COL14A1: variants seen among roughly 807,000 people sequenced by gnomAD.
COL14A1 encodes the protein collagen type XIV alpha 1 chain.
COL14A1 carries 136 observed loss-of-function variants against 230.3 expected under a neutral mutation model. The ratio of observed to expected loss-of-function variants is 0.59; its 90% CI spans 0.51 to 0.68. The LOEUF is 0.68. Ranked by LOEUF, COL14A1 falls within the 30% of genes least tolerant of loss-of-function variation. The probability of loss-of-function intolerance (pLI) is 0.00; values close to 1 mark genes in which losing one functional copy is unlikely to be tolerated. For synonymous variants in COL14A1, 792 were observed against 784.1 expected, an observed-to-expected ratio of 1.01 and a Z score of -0.17; for missense variants, 1,976 against 2,215.8, an observed-to-expected ratio of 0.89 and a Z score of 2.17.
At position 120,168,217 on chromosome 8, in the gene COL14A1, G is replaced by A. The variant is rs1815976565; in HGVS notation, c.406G>A (p.Gly136Arg). 6.2e-7 allele frequency: 1 copy of A among 1,612,348 alleles called. No individual in the cohort carries two copies. Among genetic ancestry groups the A allele is most frequent in the Non-Finnish European group, 8.5e-7 (1 of 1,179,002 alleles). The change falls in exon 5 of 48, where the codon GGA (glycine) becomes AGA (arginine). Residue 136 changes from glycine to arginine, a missense_variant. Physicochemically the swap from Gly to Arg is moderately radical, Grantham distance 125. Coordinates refer to ENST00000297848, the MANE Select transcript of COL14A1 (RefSeq NM_021110.4). ...PKPRVKVVDR[G>R]NGSRPSSPEE... is the part of the protein sequence containing the mutation. ...GCCCAGAGTCAAAGTTGTGGACAGAGGAAATGGGAGTAGACCATCTTCACC... is the reference window on the plus strand; with the variant it reads ...GCCCAGAGTCAAAGTTGTGGACAGAAGAAATGGGAGTAGACCATCTTCACC...
At chr8:120,368,970 C>T (rs1013951002) in intron 46 of COL14A1, among the ~76,000 whole-genome samples, 7 of 152,148 alleles carry the variant, frequency 4.6e-5, no homozygotes, top group South Asian at 4.1e-4. Flanking sequence ...TGTGTGTGCA[C>T]GCCCATAGAT....
chr8:120,259,285 A>G (rs764205907), intron 23 of COL14A1, among the ~76,000 whole-genome samples: 6 of 152,168 alleles, frequency 3.9e-5, no homozygotes, highest in Non-Finnish European at 7.3e-5. Flanking sequence ...CTTGTAGGAC[A>G]TTTTGATAAG....
chr8:120,281,149 TC>T, intron 31 of COL14A1, 90 bp downstream of exon 31: 1 of 1,188,644 alleles, frequency 8.4e-7, no homozygotes, highest in African/African-American at 1.5e-5. Context: ...GGTGTAATAG[TC>T]CCAGGTAGGA....
chr8:120,337,600 A>G (rs1051208356), intron 42 of COL14A1, among the ~76,000 whole-genome samples: 1 of 152,142 alleles, frequency 6.6e-6, no homozygotes, highest in African/African-American at 2.4e-5. Flanking sequence ...TTGAACCACA[A>G]GATCATTCCT....
chr8:120,189,473 T>A (rs537736541), intron 5 of COL14A1, among the ~76,000 whole-genome samples: 46 of 151,676 alleles, frequency 3.0e-4, no homozygotes, highest in African/African-American at 7.5e-4. Flanking sequence ...ATTAAAATTT[T>A]TTTATTTATT....
At chr8:120,145,388 G>A (rs1815053219) in intron 1 of COL14A1, among the ~76,000 whole-genome samples, 1 of 152,222 alleles carries the variant, frequency 6.6e-6, no homozygotes, top group Non-Finnish European at 1.5e-5. Flanking sequence ...GGAGGCCAAG[G>A]CGGGTGGATC....
chr8:120,137,538 A>C (rs961076955), intron 1 of COL14A1, among the ~76,000 whole-genome samples: 9 of 152,064 alleles, frequency 5.9e-5, no homozygotes, highest in African/African-American at 1.9e-4. Context: ...TCTTTAGGTA[A>C]AAAATTAGAG....
intron 40 of COL14A1, 96 bp from the exon 41 acceptor site, chr8:120,332,045 G>A: frequency 9.7e-7 from 1 of 1,028,790 alleles, no homozygotes; most frequent in Non-Finnish European, 1.5e-6. Flanking sequence ...CAAGCAGCAG[G>A]ACTTGACCCC....
At chr8:120,250,116 G>A (rs1818891970) in intron 21 of COL14A1, among the ~76,000 whole-genome samples, 1 of 152,178 alleles carries the variant, frequency 6.6e-6, no homozygotes. Flanking sequence ...AGCATAATCT[G>A]TCTGGTATTA....
At chr8:120,273,513 T>G (rs1315804173) in intron 26 of COL14A1, among the ~76,000 whole-genome samples, 1 of 151,738 alleles carries the variant, frequency 6.6e-6, no homozygotes, top group Non-Finnish European at 1.5e-5. Flanking sequence ...ATTGGTTCTT[T>G]GAAAAGATAA....
At position 120,225,087 on chromosome 8, in the gene COL14A1, G is replaced by T; in HGVS notation, c.1738-1G>T. ...GTTATTATGACTTATTTCTTTGACA[G>T]GTTGAAGTCGATCCTATTACTACCT... On this transcript the variant is annotated splice_acceptor_variant, in intron 14 of 47. Coordinates refer to ENST00000297848, the MANE Select transcript of COL14A1 (RefSeq NM_021110.4). LOFTEE classifies it high-confidence loss of function. 6.2e-7 allele frequency: 1 copy of T among 1,609,454 alleles called. No individual in the cohort carries two copies. Among genetic ancestry groups the T allele is most frequent in the East Asian group, 2.2e-5 (1 of 44,696 alleles).
At chr8:120,336,676 T>C (rs1156567232) in intron 42 of COL14A1, among the ~76,000 whole-genome samples, 1 of 152,200 alleles carries the variant, frequency 6.6e-6, no homozygotes, top group Non-Finnish European at 1.5e-5. Context: ...CTCGTGGCCC[T>C]TTAGGATGGG....
intron 1 of COL14A1, among the ~76,000 whole-genome samples, chr8:120,138,069 T>A (rs1177918688): frequency 1.3e-5 from 2 of 152,222 alleles, no homozygotes; most frequent in African/African-American, 4.8e-5. Flanking sequence ...AGTTGTTGGA[T>A]GTAATGCTCA....
chr8:120,139,262 A>G (rs1814816425), intron 1 of COL14A1, among the ~76,000 whole-genome samples: 1 of 152,218 alleles, frequency 6.6e-6, no homozygotes, highest in East Asian at 1.9e-4. Context: ...ATGCTTAAAT[A>G]TCACCATTTC....
chr8:120,155,518 A>C (rs939445757), intron 2 of COL14A1, among the ~76,000 whole-genome samples: 1 of 152,108 alleles, frequency 6.6e-6, no homozygotes, highest in Non-Finnish European at 1.5e-5. Flanking sequence ...AGGAATCCTG[A>C]ATGTTGTTTG....
intron 36 of COL14A1, 149 bp downstream of exon 36, chr8:120,300,967 T>C (rs1820692323): frequency 1.2e-5 from 8 of 670,958 alleles, no homozygotes; most frequent in Non-Finnish European, 2.0e-5. Context: ...TTAAGTAACT[T>C]GATTAAAGAA....
chr8:120,358,566 T>C (rs1823070798), intron 45 of COL14A1, among the ~76,000 whole-genome samples: 1 of 151,704 alleles, frequency 6.6e-6, no homozygotes. Flanking sequence ...ACGTGAACAA[T>C]GTAAGCATTT....
intron 14 of COL14A1, among the ~76,000 whole-genome samples, chr8:120,218,956 G>C (rs902328775): frequency 1.3e-5 from 2 of 151,848 alleles, no homozygotes; most frequent in Non-Finnish European, 2.9e-5. Flanking sequence ...ATAAATATTT[G>C]TTCATTGTAG....
chr8:120,158,228 C>G lies in COL14A1; in HGVS notation c.187C>G (p.Leu63Val), dbSNP rs755550648. The G allele has an allele frequency of 1.9e-6, 3 of 1,592,638 alleles. No individual in the cohort carries two copies. The highest frequency in any genetic ancestry group is 2.6e-6 in the Non-Finnish European group (3 of 1,161,522). Residue 63 changes from leucine (L) to valine (V), a missense_variant, in exon 3 of 48, where the codon CTT (leucine) becomes GTT (valine). Physicochemically the swap from Leu to Val is conservative, Grantham distance 32. Coordinates refer to ENST00000297848, the MANE Select transcript of COL14A1 (RefSeq NM_021110.4). ...AGGGAAATTTGGTGGTTACAAACTTCTTGTGACTCCAACTTCAGGTAAAAA... is the reference window on the plus strand; with the variant it reads ...AGGGAAATTTGGTGGTTACAAACTTGTTGTGACTCCAACTTCAGGTAAAAA... ...PRGKFGGYKL[L>V]VTPTSGGKTN...
Sources: allele counts gnomAD v4.1 joint callset (sites outside exome capture counted in the v4.1 genomes callset), GRCh38; gene constraint gnomAD v4.1.1; transcripts MANE v1.5; gene names NCBI Gene and HGNC (gene_info 2026-07-23, HGNC 2026-07-21).